FRMD3: variants seen among roughly 807,000 people sequenced by gnomAD.
FRMD3 encodes FERM domain-containing protein 3.
Under a neutral mutation model 70.2 loss-of-function variants are expected in FRMD3, and 33 were observed. The observed-to-expected ratio is 0.47, with a 90% CI of 0.36 to 0.63. FRMD3 has a LOEUF of 0.63. Ranked by LOEUF, FRMD3 falls within the 20% of genes least tolerant of loss-of-function variation. FRMD3 has a pLI of 0.00. For missense variants in FRMD3, 632 were observed against 711.4 expected, an observed-to-expected ratio of 0.89 and a Z score of 1.27; for synonymous variants, 279 against 255.9, an observed-to-expected ratio of 1.09 and a Z score of -0.86.
At chr9:83,427,242 G>T (rs1826837307) in intron 1 of FRMD3, among the ~76,000 whole-genome samples, 1 of 152,162 alleles carries the variant, frequency 6.6e-6, no homozygotes, top group Non-Finnish European at 1.5e-5. Context: ...AGGAAACCTG[G>T]GGTCTGTGGG....
rs774333968 is a variant in FRMD3 at position 83,290,735 on chromosome 9, C to A, written c.1071-8G>T. 1.2e-6 allele frequency: 2 copies of A among 1,601,194 alleles called. No homozygotes were observed. Among genetic ancestry groups the A allele is most frequent in the Non-Finnish European group, 1.7e-6 (2 of 1,172,874 alleles). On this transcript the variant is annotated splice_polypyrimidine_tract_variant and splice_region_variant and intron_variant, in intron 12 of 13. Coordinates refer to ENST00000304195, the MANE Select transcript of FRMD3 (RefSeq NM_174938.6). ...CTCTGAGTAATGTTGGCTCTGAAAA[C>A]AGACACAAGCCAGACAGAGTTGGTT...
chr9:83,315,226 G>A (rs546457979), intron 6 of FRMD3, among the ~76,000 whole-genome samples: 1 of 152,108 alleles, frequency 6.6e-6, no homozygotes, highest in Non-Finnish European at 1.5e-5. Flanking sequence ...TGCTTTCTTG[G>A]TGAAGGTCAT....
At chr9:83,344,992 CAG>C (rs1289285146) in intron 4 of FRMD3, among the ~76,000 whole-genome samples, 1 of 152,024 alleles carries the variant, frequency 6.6e-6, no homozygotes, top group Non-Finnish European at 1.5e-5. Context: ...AATAGAGAAT[CAG>C]AGAGAGTGAT....
At chr9:83,383,803 C>T (rs1338748810) in intron 2 of FRMD3, among the ~76,000 whole-genome samples, 8 of 152,216 alleles carry the variant, frequency 5.3e-5, no homozygotes, top group African/African-American at 1.7e-4. Context: ...TTTGCCCCTC[C>T]CCTTCCACTA....
intron 1 of FRMD3, among the ~76,000 whole-genome samples, chr9:83,437,721 C>A (rs530042361): frequency 6.6e-6 from 1 of 152,130 alleles, no homozygotes; most frequent in African/African-American, 2.4e-5. Flanking sequence ...GGCACACAGA[C>A]GTGGGTCTTC....
chr9:83,304,381 G>T (rs1057158660), intron 10 of FRMD3, among the ~76,000 whole-genome samples: 1 of 152,106 alleles, frequency 6.6e-6, no homozygotes, highest in African/African-American at 2.4e-5. Context: ...CGGACCCACC[G>T]CACAGTATCC....
At chr9:83,452,179 A>T (rs556053851) in intron 1 of FRMD3, among the ~76,000 whole-genome samples, 3 of 152,286 alleles carry the variant, frequency 2.0e-5, no homozygotes, top group African/African-American at 7.2e-5. Flanking sequence ...GATGCGGTAG[A>T]CGCTCCGTAT....
At chr9:83,576,837 T>A in the FRMD3 span, among the ~76,000 whole-genome samples, 1 of 152,080 alleles carries the variant, frequency 6.6e-6, no homozygotes, top group Non-Finnish European at 1.5e-5. Flanking sequence ...TGATTTTATA[T>A]ACAGAAAATC....
chr9:83,554,506 G>A, the FRMD3 span, among the ~76,000 whole-genome samples: 2 of 152,228 alleles, frequency 1.3e-5, no homozygotes, highest in African/African-American at 2.4e-5. Context: ...CAAAATGAAC[G>A]GTTTGTGCTG....
intron 13 of FRMD3, 62 bp from the exon 14 acceptor site, chr9:83,248,578 G>A: frequency 1.3e-6 from 2 of 1,493,364 alleles, no homozygotes; most frequent in Non-Finnish European, 1.8e-6. Flanking sequence ...AAAATCTGCA[G>A]GAAGAAACAG....
chr9:83,369,454 T>C (rs961725574), intron 3 of FRMD3, among the ~76,000 whole-genome samples: 1 of 151,970 alleles, frequency 6.6e-6, no homozygotes, highest in African/African-American at 2.4e-5. Flanking sequence ...CACGTGCCTG[T>C]AATCCCAGCT....
chr9:83,562,898 C>T, the FRMD3 span, among the ~76,000 whole-genome samples: 1 of 151,724 alleles, frequency 6.6e-6, no homozygotes, highest in Non-Finnish European at 1.5e-5. Flanking sequence ...AATGCCCCCC[C>T]CCCAGCACAG....
chr9:83,254,126 G>T (rs1374287148), intron 13 of FRMD3, among the ~76,000 whole-genome samples: 1 of 144,272 alleles, frequency 6.9e-6, no homozygotes. Flanking sequence ...GGGGTAGGGG[G>T]AAGGGGGAGG....
chr9:83,359,691 C>T (rs1397730944), intron 3 of FRMD3, among the ~76,000 whole-genome samples: 1 of 152,108 alleles, frequency 6.6e-6, no homozygotes, highest in Non-Finnish European at 1.5e-5. Context: ...TCTTATATAT[C>T]TTTTGGTTTT....
chr9:83,351,715 A>AGATAGATG (rs1824168882), intron 3 of FRMD3, among the ~76,000 whole-genome samples: 1 of 151,894 alleles, frequency 6.6e-6, no homozygotes, highest in Non-Finnish European at 1.5e-5. Context: ...ATAGATAGAT[A>AGATAGATG]GATAGATAGA....
intron 3 of FRMD3, among the ~76,000 whole-genome samples, chr9:83,352,574 G>A (rs561175995): frequency 6.6e-6 from 1 of 152,198 alleles, no homozygotes; most frequent in Non-Finnish European, 1.5e-5. Context: ...GGAAGGTCTA[G>A]TGCTTCTCCC....
intron 1 of FRMD3, among the ~76,000 whole-genome samples, chr9:83,418,864 C>G (rs1456157345): frequency 6.6e-6 from 1 of 152,164 alleles, no homozygotes; most frequent in Non-Finnish European, 1.5e-5. Flanking sequence ...ATTGCGAAGC[C>G]TTTGTGAACC....
intron 1 of FRMD3, among the ~76,000 whole-genome samples, chr9:83,391,580 C>A (rs929105707): frequency 6.6e-6 from 1 of 152,184 alleles, no homozygotes; most frequent in African/African-American, 2.4e-5. Flanking sequence ...ATACTGCTGT[C>A]ATTTTGCCCT....
At chr9:83,469,946 G>C (rs1476584735) in intron 1 of FRMD3, among the ~76,000 whole-genome samples, 2 of 152,198 alleles carry the variant, frequency 1.3e-5, no homozygotes, top group Non-Finnish European at 2.9e-5. Flanking sequence ...TATAAAAGTA[G>C]AGATTCCCAG....
Sources: allele counts gnomAD v4.1 joint callset (sites outside exome capture counted in the v4.1 genomes callset), GRCh38; gene constraint gnomAD v4.1.1; transcripts MANE v1.5; gene names NCBI Gene and HGNC (gene_info 2026-07-23, HGNC 2026-07-21).